CCSER1: variants seen among roughly 807,000 people sequenced by gnomAD.
CCSER1 encodes coiled-coil serine rich protein 1.
CCSER1 carries 41 observed loss-of-function variants against 82.0 expected under a neutral mutation model. That is an observed-to-expected ratio of 0.50 (90% confidence interval 0.39 to 0.65). The LOEUF (loss-of-function observed/expected upper bound fraction) is 0.65, where lower values mean the gene tolerates loss of function less well. CCSER1 is among the 30% of genes least tolerant of loss of function. CCSER1 has a pLI of 0.00. For missense variants in CCSER1, 1,119 were observed against 1,064.2 expected, an observed-to-expected ratio of 1.05 and a Z score of -0.72; for synonymous variants, 414 against 383.9, an observed-to-expected ratio of 1.08 and a Z score of -0.92.
chr4:90,966,863 T>C (rs1734616283), intron 9 of CCSER1, among the ~76,000 whole-genome samples: 1 of 151,996 alleles, frequency 6.6e-6, no homozygotes, highest in Non-Finnish European at 1.5e-5. Flanking sequence ...CCTATCAAAA[T>C]CCCAGCTAGC....
intron 9 of CCSER1, among the ~76,000 whole-genome samples, chr4:91,059,689 A>G (rs1457621691): frequency 6.6e-6 from 1 of 151,922 alleles, no homozygotes; most frequent in Non-Finnish European, 1.5e-5. Context: ...CCCATCAGTC[A>G]TATTTCCATT....
rs1261058218 is a variant in CCSER1 at position 90,710,292 on chromosome 4, GT to G, written c.1933-13618del. Among the ~76,000 whole-genome samples the G allele has an allele frequency of 4.6e-5, 7 of 151,624 alleles. No homozygotes were observed. The East Asian group carries it at 1.4e-3, about 29-fold the overall frequency. On this transcript the variant is annotated intron_variant, in intron 6 of 10. Transcript: ENST00000509176. ...TTTTTTGTTGTTGTTGTTGTTTTTT[GT>G]TTTGTTTTGTTTTTTGCTGTGCAGC...
intron 7 of CCSER1, among the ~76,000 whole-genome samples, chr4:90,763,693 G>T (rs1750757475): frequency 6.6e-6 from 1 of 152,072 alleles, no homozygotes; most frequent in African/African-American, 2.4e-5. Context: ...AAGCACTTTG[G>T]GAAGAACTAG....
At chr4:91,476,398 C>A (rs1228394696) in intron 10 of CCSER1, among the ~76,000 whole-genome samples, 2 of 151,632 alleles carry the variant, frequency 1.3e-5, no homozygotes. Flanking sequence ...TGATGTTGAG[C>A]ATTTTTTCAT....
chr4:91,439,453 G>A (rs536053208), intron 10 of CCSER1, among the ~76,000 whole-genome samples: 1 of 151,770 alleles, frequency 6.6e-6, no homozygotes, highest in African/African-American at 2.4e-5. Context: ...TCACCACCAG[G>A]CCTGCCCTAA....
chr4:90,965,353 C>A (rs186692274), intron 9 of CCSER1, among the ~76,000 whole-genome samples: 40 of 152,132 alleles, frequency 2.6e-4, no homozygotes, highest in Non-Finnish European at 1.8e-4. Context: ...ATATTCAAGG[C>A]TGTGTGTATG....
In CCSER1 at chr4:90,600,746, C is replaced by A. The variant is rs140992667; in HGVS notation, c.1725-27279C>A. 1.5e-3 allele frequency among the ~76,000 whole-genome samples: 227 copies of A among 151,700 alleles called. 1 individual carries two copies. Among genetic ancestry groups the A allele is most frequent in the African/African-American group, 5.1e-3 (212 of 41,422 alleles). On this transcript the variant is annotated intron_variant, in intron 5 of 10. Transcript: ENST00000509176. ...AATTTTAGAATCAATTGATCAATGT[C>A]TCTCAAAAATCCTGCTAGGATTTTG...
At chr4:90,902,719 G>C in intron 8 of CCSER1, among the ~76,000 whole-genome samples, 1 of 152,184 alleles carries the variant, frequency 6.6e-6, no homozygotes, top group Non-Finnish European at 1.5e-5. Flanking sequence ...CCTTCTGGCA[G>C]CAGGTTTTTA....
intron 8 of CCSER1, among the ~76,000 whole-genome samples, chr4:90,842,634 GA>G (rs1346127848): frequency 3.3e-5 from 5 of 152,148 alleles, no homozygotes; most frequent in Non-Finnish European, 7.4e-5. Flanking sequence ...AGAACCATCA[GA>G]AAATGAAGCA....
intron 10 of CCSER1, among the ~76,000 whole-genome samples, chr4:91,305,164 A>G (rs571461538): frequency 1.3e-5 from 2 of 152,152 alleles, no homozygotes; most frequent in African/African-American, 4.8e-5. Context: ...CTTCTTTTCA[A>G]GTTATTAGAT....
chr4:90,289,994 T>A (rs79979576), intron 1 of CCSER1, among the ~76,000 whole-genome samples: 2,363 of 151,918 alleles, frequency 0.016, 37 homozygotes, highest in African/African-American at 0.047. Context: ...GTCTCCAGAA[T>A]TTTTTATTAA....
At chr4:90,246,015 C>T (rs543176141) in intron 1 of CCSER1, among the ~76,000 whole-genome samples, 32 of 152,222 alleles carry the variant, frequency 2.1e-4, no homozygotes, top group Admixed American at 1.6e-3. Flanking sequence ...GAAATAGTCA[C>T]GCCTGTCATA....
At chr4:91,252,799 A>G (rs1218566627) in intron 10 of CCSER1, among the ~76,000 whole-genome samples, 1 of 152,162 alleles carries the variant, frequency 6.6e-6, no homozygotes, top group Non-Finnish European at 1.5e-5. Context: ...AGGAAATGAG[A>G]AATTTCTTTC....
intron 1 of CCSER1, among the ~76,000 whole-genome samples, chr4:90,213,638 G>C (rs1438259271): frequency 6.6e-6 from 1 of 152,140 alleles, no homozygotes; most frequent in African/African-American, 2.4e-5. Context: ...GCAAATGCTT[G>C]GTGAGGGACA....
chr4:91,157,711 A>G (rs1730953249), intron 10 of CCSER1, among the ~76,000 whole-genome samples: 2 of 151,982 alleles, frequency 1.3e-5, no homozygotes, highest in African/African-American at 4.8e-5. Context: ...GTTTTATTGC[A>G]AATGAAATGT....
chr4:90,668,825 T>A (rs975025872), intron 6 of CCSER1, among the ~76,000 whole-genome samples: 6 of 152,150 alleles, frequency 3.9e-5, no homozygotes, highest in African/African-American at 7.2e-5. Context: ...CTGCTGGTTA[T>A]TTAAAACAAT....
rs60008433 is a variant in CCSER1, at chr4:91,092,900, C to T, written c.2217+6906C>T. 8.3e-3 allele frequency among the ~76,000 whole-genome samples: 1,264 copies of T among 152,310 alleles called. 12 individuals carry two copies. Among genetic ancestry groups the T allele is most frequent in the African/African-American group, 0.029 (1,213 of 41,550 alleles). ...CTTGGCTCACTGAGGTGGAAGCTCA[C>T]TGGTGTCCCTTGCAATGCATGACTG... On this transcript the variant is annotated intron_variant, in intron 10 of 10. Coordinates refer to ENST00000509176, the MANE Select transcript of CCSER1 (RefSeq NM_001145065.2).
intron 8 of CCSER1, among the ~76,000 whole-genome samples, chr4:90,877,787 C>A (rs1464329030): frequency 6.6e-6 from 1 of 151,352 alleles, no homozygotes; most frequent in African/African-American, 2.4e-5. Context: ...GATACCACTA[C>A]ATCAGTGGCA....
intron 10 of CCSER1, among the ~76,000 whole-genome samples, chr4:91,165,212 G>A (rs1444817401): frequency 6.6e-6 from 1 of 152,188 alleles, no homozygotes; most frequent in African/African-American, 2.4e-5. Context: ...GTCTGTTGCA[G>A]TTTGCTGGAG....
Sources: allele counts gnomAD v4.1 joint callset (sites outside exome capture counted in the v4.1 genomes callset), GRCh38; gene constraint gnomAD v4.1.1; transcripts MANE v1.5; gene names NCBI Gene and HGNC (gene_info 2026-07-23, HGNC 2026-07-21).